The following TBC1D14 variants were observed in gnomAD, a reference collection of about 807,000 sequenced individuals.
TBC1D14 encodes TBC1 domain family member 14, also known as TBC1 domain family, member 14.
In TBC1D14, 26 loss-of-function variants were observed where a neutral mutation model predicts 79.0. That is an observed-to-expected ratio of 0.33 (90% CI 0.24 to 0.46). The LOEUF (loss-of-function observed/expected upper bound fraction) is 0.46, where lower values mean the gene tolerates loss of function less well. TBC1D14 is among the 20% of genes least tolerant of loss of function. TBC1D14 has a pLI of 1.00. For synonymous variants in TBC1D14, 394 were observed against 349.9 expected (o/e 1.13, Z -1.40); for missense variants, 769 against 887.6 (o/e 0.87, Z 1.70).
At position 6,996,357 on chromosome 4, in the gene TBC1D14, A is replaced by G. The variant is rs1443962357; in HGVS notation, c.995A>G (p.Gln332Arg). Residue 332 changes from glutamine (Q) to arginine (R), a missense_variant, in exon 5 of 14, where the codon CAG becomes CGG. Transcript: ENST00000409757. ...NLPAKPAEEA[Q>R]KHRQQYEEMV... is the part of the protein sequence containing the mutation. ...CCAGCAAAACCAGCTGAAGAAGCTCAGAAGCACAGACAGCAGTATGAAGAA... is the reference window on the plus strand; with the variant it reads ...CCAGCAAAACCAGCTGAAGAAGCTCGGAAGCACAGACAGCAGTATGAAGAA... 3 of 1,613,836 alleles carry G rather than the reference A, an allele frequency of 1.9e-6. No individual in the cohort carries two copies. Among genetic ancestry groups the G allele is most frequent in the Admixed American group, 3.3e-5 (2 of 59,988 alleles).
At chr4:6,922,104 G>C (rs1723914262) in intron 1 of TBC1D14, among the ~76,000 whole-genome samples, 1 of 152,070 alleles carries the variant, frequency 6.6e-6, no homozygotes, top group Non-Finnish European at 1.5e-5. Context: ...CCAGGCCAGA[G>C]TGCGGTGGTG....
intron 2 of TBC1D14, among the ~76,000 whole-genome samples, chr4:6,933,563 C>T (rs1712002604): frequency 6.6e-6 from 1 of 151,976 alleles, no homozygotes; most frequent in South Asian, 2.1e-4. Context: ...GCCTTGGCTT[C>T]CCCAAGTGTT....
chr4:6,925,862 A>G (rs529126554), intron 2 of TBC1D14, among the ~76,000 whole-genome samples: 2 of 152,308 alleles, frequency 1.3e-5, no homozygotes, highest in East Asian at 3.9e-4. Flanking sequence ...TACCCGTTCC[A>G]CGCGGACCTC....
intron 13 of TBC1D14, 119 bp downstream of exon 13, chr4:7,025,381 T>TGGAACTGAGGGGGGCC: frequency 6.8e-7 from 1 of 1,477,872 alleles, no homozygotes; most frequent in East Asian, 2.4e-5. Flanking sequence ...GTCCCTGGGC[T>TGGAACTGAGGGGGGCC]GGAACTGAGG....
At chr4:7,024,426 A>C (rs544744635) in intron 12 of TBC1D14, among the ~76,000 whole-genome samples, 1 of 152,322 alleles carries the variant, frequency 6.6e-6, no homozygotes, top group South Asian at 2.1e-4. Flanking sequence ...TTTGAGAGCC[A>C]GGAGCGTCTG....
chr4:7,018,436 C>A (rs1478446088), intron 12 of TBC1D14, among the ~76,000 whole-genome samples: 1 of 152,214 alleles, frequency 6.6e-6, no homozygotes, highest in Non-Finnish European at 1.5e-5. Flanking sequence ...CTCCCCACCG[C>A]CCCAGCTCCA....
Position 6,909,912 on chromosome 4 carries a change from C to A in TBC1D14, c.-57C>A, listed in dbSNP as rs1361071783. ...TCCCGCGGGGCCTGGGCTGCGGGCC[C>A]ACGGGTCCCGGGGATGGCGTCGGAG... On this transcript the variant is annotated 5_prime_UTR_variant, in exon 1 of 14. Coordinates refer to ENST00000409757, the MANE Select transcript of TBC1D14 (RefSeq NM_020773.3). 6.8e-6 allele frequency: 1 copy of A among 148,052 alleles called. No homozygotes were observed. The highest frequency in any genetic ancestry group is 1.5e-5 in the Non-Finnish European group (1 of 66,362). 9.2% of individuals were successfully genotyped at this position (148,052 alleles called of 1,614,324 possible). A position where few individuals can be genotyped will look rare whatever the true frequency, so the allele number is the denominator to read the frequency against.
intron 3 of TBC1D14, among the ~76,000 whole-genome samples, chr4:6,983,913 TAA>T (rs1420256423): frequency 6.6e-6 from 1 of 152,262 alleles, no homozygotes; most frequent in African/African-American, 2.4e-5. Flanking sequence ...GTGGAAGTGA[TAA>T]GTTTCCGTTA....
chr4:7,001,435 G>A (rs1003560340), intron 7 of TBC1D14, 184 bp downstream of exon 7: 21 of 576,592 alleles, frequency 3.6e-5, no homozygotes, highest in Admixed American at 3.1e-4. Context: ...TGTGCACTCC[G>A]GTTACCTGAC....
At chr4:7,027,643 A>G (rs540883034) in intron 13 of TBC1D14, among the ~76,000 whole-genome samples, 5 of 129,200 alleles carry the variant, frequency 3.9e-5, no homozygotes, top group Non-Finnish European at 8.2e-5. Context: ...CCCCACACAC[A>G]TCACACACCC....
At chr4:6,999,926 G>A (rs962399065) in intron 6 of TBC1D14, among the ~76,000 whole-genome samples, 7 of 151,990 alleles carry the variant, frequency 4.6e-5, no homozygotes, top group East Asian at 1.9e-4. Flanking sequence ...TTTTATTCTC[G>A]TGTTCAGAAC....
chr4:6,943,505 C>T lies in TBC1D14; in HGVS notation c.722+19394C>T, dbSNP rs553751275. Among the ~76,000 whole-genome samples, 3 of 152,322 alleles carry T rather than the reference C, an allele frequency of 2.0e-5. No individual in the cohort carries two copies. In the East Asian group the frequency reaches 5.8e-4, roughly 29 times the overall value. On this transcript the variant is annotated intron_variant, in intron 2 of 13. Coordinates refer to ENST00000409757, the MANE Select transcript of TBC1D14 (RefSeq NM_020773.3). Reference sequence around the variant, plus strand: ...TCTGGCTGCTGCCTGCATCTCTGGCCACCAGTGGTGCCAGTGCTCAGAGCC... The same window carrying T: ...TCTGGCTGCTGCCTGCATCTCTGGCTACCAGTGGTGCCAGTGCTCAGAGCC...
chr4:6,966,925 T>C (rs1715747421), intron 2 of TBC1D14, among the ~76,000 whole-genome samples: 1 of 152,214 alleles, frequency 6.6e-6, no homozygotes, highest in Admixed American at 6.5e-5. Flanking sequence ...TTCTCCTGCC[T>C]CAGCCTCCCG....
chr4:6,981,800 C>T (rs889427162), intron 3 of TBC1D14, among the ~76,000 whole-genome samples: 2 of 152,166 alleles, frequency 1.3e-5, no homozygotes, highest in Non-Finnish European at 2.9e-5. Context: ...GCAGCAAAAG[C>T]ATTTGATAGA....
At position 6,965,756 on chromosome 4, in the gene TBC1D14, G is replaced by A. The variant is rs144867734; in HGVS notation, c.723-1548G>A. ...GAGTCTCACTACCTTGCTCAGGTGA[G>A]TCTCAAACTCTTGGCCTCCTAAAGT... On this transcript the variant is annotated intron_variant, in intron 2 of 13. Transcript: ENST00000409757. Among the ~76,000 whole-genome samples, 566 of 152,294 alleles carry A rather than the reference G, an allele frequency of 3.7e-3. 2 individuals carry two copies. Among genetic ancestry groups the A allele is most frequent in the African/African-American group, 0.012 (491 of 41,548 alleles).
At chr4:6,952,806 A>T (rs1484851508) in intron 2 of TBC1D14, among the ~76,000 whole-genome samples, 1 of 152,012 alleles carries the variant, frequency 6.6e-6, no homozygotes, top group Non-Finnish European at 1.5e-5. Flanking sequence ...ACCAACCCAT[A>T]GTGCATGCTG....
intron 13 of TBC1D14, among the ~76,000 whole-genome samples, chr4:7,029,357 T>C (rs893822837): frequency 1.3e-5 from 2 of 152,254 alleles, no homozygotes; most frequent in South Asian, 2.1e-4. Flanking sequence ...CCTTGGACTT[T>C]GAGCACGTCA....
intron 3 of TBC1D14, among the ~76,000 whole-genome samples, chr4:6,983,687 A>G (rs950413001): frequency 3.9e-5 from 6 of 152,240 alleles, no homozygotes; most frequent in African/African-American, 1.4e-4. Context: ...CATGATGCCA[A>G]GAACTAGAAA....
At chr4:6,916,804 C>T (rs1388441662) in intron 1 of TBC1D14, among the ~76,000 whole-genome samples, 2 of 152,226 alleles carry the variant, frequency 1.3e-5, no homozygotes, top group African/African-American at 2.4e-5. Context: ...GATGACTCAT[C>T]ACCATTTGAC....
Sources: gnomAD v4.1 joint callset for allele counts (sites outside exome capture counted in the v4.1 genomes callset) on GRCh38, gnomAD v4.1.1 for gene constraint, MANE v1.5 for transcripts, NCBI Gene and HGNC (gene_info 2026-07-23, HGNC 2026-07-21) for gene names.